NDC80: variants seen among roughly 807,000 people sequenced by gnomAD.
The protein encoded by NDC80 is kinetochore protein NDC80 homolog.
Under a neutral mutation model 89.3 loss-of-function variants are expected in NDC80, and 69 were observed. That is an observed-to-expected ratio of 0.77 (90% CI 0.64 to 0.94). The LOEUF (loss-of-function observed/expected upper bound fraction) is 0.94, where lower values mean the gene tolerates loss of function less well. Among genes scored for constraint, NDC80 ranks in the 40% least tolerant of loss-of-function variants. The pLI is 0.00. For synonymous variants in NDC80, 243 were observed against 255.6 expected (o/e 0.95, Z 0.47); for missense variants, 593 against 739.6 (o/e 0.80, Z 2.30).
intron 16 of NDC80, among the ~76,000 whole-genome samples, chr18:2,613,021 A>T (rs1287679041): frequency 6.6e-6 from 1 of 152,240 alleles, no homozygotes; most frequent in South Asian, 2.1e-4. Context: ...GTACTTTTAG[A>T]TGGAATATTT....
In NDC80 at chr18:2,610,705, C is replaced by T. The variant is rs1386218254; in HGVS notation, c.1689-54C>T. 7.9e-5 allele frequency: 94 copies of T among 1,185,840 alleles called. No individual in the cohort carries two copies. The East Asian group carries it at 1.1e-3, about 14-fold the overall frequency. 73.5% of individuals were successfully genotyped at this position (1,185,840 alleles called of 1,614,324 possible). On this transcript the variant is annotated intron_variant, in intron 15 of 16. Coordinates refer to ENST00000261597, the MANE Select transcript of NDC80 (RefSeq NM_006101.3). ...GAAATGGGAAGTGAGCTAACTAGAACGGATGTATTAATTTTTTTCCTGGAC... is the reference window on the plus strand; with the variant it reads ...GAAATGGGAAGTGAGCTAACTAGAATGGATGTATTAATTTTTTTCCTGGAC...
intron 10 of NDC80, among the ~76,000 whole-genome samples, chr18:2,592,355 T>C (rs1157389544): frequency 1.4e-5 from 2 of 146,542 alleles, no homozygotes; most frequent in Non-Finnish European, 3.0e-5. Context: ...TTTGTTTTAT[T>C]TTGTTTTTTT....
Position 2,599,039 on chromosome 18 carries a change from G to A in NDC80, c.1242G>A (p.Glu414=). The part of the protein sequence containing the change: ...GKEAIETQLA[E]YHKLARKLKL... ...TACAGATTGAAACACAATTAGCAGA[G>A]TATCACAAATTGGCTAGAAAATTAA... Residue 414 remains glutamate (E), a synonymous_variant, in exon 12 of 17, where the codon GAG becomes GAA. Transcript: ENST00000261597. The A allele has an allele frequency of 1.9e-6, 3 of 1,611,012 alleles. No homozygotes were observed. Among genetic ancestry groups the A allele is most frequent in the Non-Finnish European group, 2.5e-6 (3 of 1,178,568 alleles).
chr18:2,578,940 C>T lies in NDC80; in HGVS notation c.490C>T (p.Leu164=). 3.3e-6 allele frequency: 5 copies of T among 1,526,370 alleles called. No homozygotes were observed. The South Asian group carries it at 5.2e-5, about 16-fold the overall frequency. 94.6% of individuals were successfully genotyped at this position (1,526,370 alleles called of 1,614,324 possible). A position where few individuals can be genotyped will look rare whatever the true frequency, so the allele number is the denominator to read the frequency against. ...IFKDLGYPFA[L]SKSSMYTVGA... ...GATTTCTCATAGGTATCCTTTTGCA[C>T]TATCCAAAAGCTCCATGTACACAGT... is the stretch of plus-strand genomic sequence containing the variant. The change falls in exon 6 of 17, where the codon CTA becomes TTA. Residue 164 remains leucine (L), a synonymous_variant. Coordinates refer to ENST00000261597, the MANE Select transcript of NDC80 (RefSeq NM_006101.3).
intron 13 of NDC80, among the ~76,000 whole-genome samples, chr18:2,603,233 G>C (rs944774970): frequency 6.6e-6 from 1 of 151,848 alleles, no homozygotes; most frequent in Non-Finnish European, 1.5e-5. Flanking sequence ...GAAAGTGGCA[G>C]AGGATTGAAT....
At chr18:2,597,903 T>C (rs1478397896) in intron 11 of NDC80, among the ~76,000 whole-genome samples, 4 of 152,084 alleles carry the variant, frequency 2.6e-5, no homozygotes, top group Non-Finnish European at 5.9e-5. Context: ...AAGGAAGAAG[T>C]TGTGAGACAG....
chr18:2,595,406 T>C lies in NDC80; in HGVS notation c.1016-10T>C. On this transcript the variant is annotated splice_polypyrimidine_tract_variant and intron_variant, in intron 10 of 16. Transcript: ENST00000261597. ...AGATACATTAAAAATTTGGTTTTTT[T>C]CCAACACAGAACTAGAATGTGAAAC... The C allele has an allele frequency of 1.2e-6, 2 of 1,608,258 alleles. No homozygotes were observed. The highest frequency in any genetic ancestry group is 1.7e-6 in the Non-Finnish European group (2 of 1,177,398).
At chr18:2,611,190 AG>A (rs2072742581) in intron 16 of NDC80, among the ~76,000 whole-genome samples, 1 of 151,874 alleles carries the variant, frequency 6.6e-6, no homozygotes, top group African/African-American at 2.4e-5. Flanking sequence ...CTGGGATTAC[AG>A]GAGCCTGCCA....
At chr18:2,579,793 T>C (rs1448150668) in intron 6 of NDC80, among the ~76,000 whole-genome samples, 1 of 152,218 alleles carries the variant, frequency 6.6e-6, no homozygotes, top group Admixed American at 6.5e-5. Context: ...TTTAAACTTT[T>C]GATACATACC....
intron 5 of NDC80, 60 bp from the exon 6 acceptor site, chr18:2,578,867 A>AT: frequency 9.8e-7 from 1 of 1,022,348 alleles, no homozygotes; most frequent in Non-Finnish European, 1.3e-6. Context: ...TTGATTAACC[A>AT]TTATCTTTAC....
intron 15 of NDC80, among the ~76,000 whole-genome samples, chr18:2,609,382 GT>G (rs2072730956): frequency 3.3e-5 from 5 of 152,114 alleles, no homozygotes; most frequent in African/African-American, 1.2e-4. Context: ...TTCATCAGTA[GT>G]TAGGCTCAGT....
At chr18:2,597,159 A>G (rs2072661216) in intron 11 of NDC80, among the ~76,000 whole-genome samples, 1 of 152,066 alleles carries the variant, frequency 6.6e-6, no homozygotes, top group Admixed American at 6.5e-5. Context: ...CATGTACCCT[A>G]AAACTTAAAG....
chr18:2,613,236 A>G (rs994188533), intron 16 of NDC80, among the ~76,000 whole-genome samples: 1 of 152,252 alleles, frequency 6.6e-6, no homozygotes, highest in Admixed American at 6.5e-5. Flanking sequence ...GTTTTGCACT[A>G]CAGTGGCAGA....
rs1275701265 is a variant in NDC80 at position 2,605,282 on chromosome 18, G to A, written c.1465-1133G>A. Among the ~76,000 whole-genome samples, 279 of 55,048 alleles carry A rather than the reference G, an allele frequency of 5.1e-3. 1 individual carries two copies. Among genetic ancestry groups the A allele is most frequent in the African/African-American group, 0.02 (234 of 11,802 alleles). The allele number at this position is 55,048 out of a possible 152,430, so 36.1% of individuals were successfully genotyped here. ...TCGGGCGGGCTATATGTATGTGTGT[G>A]TGTGTGTGTGTGTGTGTGTGTGTGT... is the stretch of plus-strand genomic sequence containing the variant. On this transcript the variant is annotated intron_variant, in intron 13 of 16. Transcript: ENST00000261597.
At chr18:2,584,873 C>T (rs1235792929) in intron 6 of NDC80, among the ~76,000 whole-genome samples, 2 of 152,128 alleles carry the variant, frequency 1.3e-5, no homozygotes, top group Non-Finnish European at 2.9e-5. Flanking sequence ...CTTTCTAGAT[C>T]CTGAAGAGTT....
At position 2,616,490 on chromosome 18, in the gene NDC80, G is replaced by C. The variant is rs746415987; in HGVS notation, c.1845G>C (p.Met615Ile). The change falls in exon 17 of 17, where the codon ATG becomes ATC. Residue 615 changes from methionine to isoleucine, a missense_variant. Transcript: ENST00000261597. The stretch of plus-strand genomic sequence containing the variant: ...TTGATAGAGAATATGAAGAATGCAT[G>C]TCAGAAGATCTCTCGGAAAATATTA... Reference protein sequence around the residue: ...AKVDREYEECMSEDLSENIKE... With the variant: ...AKVDREYEECISEDLSENIKE... 2.9e-5 allele frequency: 44 copies of C among 1,538,088 alleles called. No homozygotes were observed. The highest frequency in any genetic ancestry group is 3.8e-5 in the Non-Finnish European group (43 of 1,133,934).
In NDC80 at chr18:2,577,742, C is replaced by G. The variant is rs976822033; in HGVS notation, c.180-4C>G. 2 of 1,612,258 alleles carry G rather than the reference C, an allele frequency of 1.2e-6. No homozygotes were observed. The highest frequency in any genetic ancestry group is 1.7e-6 in the Non-Finnish European group (2 of 1,179,500). ...TAACTGGCTGTTTAAAAATATATTTCCAGAACTAGTGGACATGGATCCCGG... is the reference window on the plus strand; with the variant it reads ...TAACTGGCTGTTTAAAAATATATTTGCAGAACTAGTGGACATGGATCCCGG... On this transcript the variant is annotated splice_polypyrimidine_tract_variant and splice_region_variant and intron_variant, in intron 3 of 16. Coordinates refer to ENST00000261597, the MANE Select transcript of NDC80 (RefSeq NM_006101.3).
chr18:2,614,635 A>AAGAAAGAGAGAG (rs2072773785), intron 16 of NDC80, among the ~76,000 whole-genome samples: 1 of 92,154 alleles, frequency 1.1e-5, no homozygotes, highest in Non-Finnish European at 2.4e-5. Context: ...GAAAGAAAGA[A>AAGAAAGAGAGAG]AGAAAGAAAG....
intron 10 of NDC80, among the ~76,000 whole-genome samples, chr18:2,590,896 A>G (rs1333372844): frequency 6.6e-6 from 1 of 150,948 alleles, no homozygotes; most frequent in Non-Finnish European, 1.5e-5. Context: ...AATAAGCCAG[A>G]TAAACCAGAT....
Sources: gnomAD v4.1 joint callset for allele counts (sites outside exome capture counted in the v4.1 genomes callset) on GRCh38, gnomAD v4.1.1 for gene constraint, MANE v1.5 for transcripts, NCBI Gene and HGNC (gene_info 2026-07-23, HGNC 2026-07-21) for gene names.